The following HYCC1 variants were observed in gnomAD, a reference collection of about 807,000 sequenced individuals.
HYCC1 encodes the protein hyccin.
the HYCC1 span, among the ~76,000 whole-genome samples, chr7:22,968,246 C>T: frequency 6.6e-6 from 1 of 152,100 alleles, no homozygotes; most frequent in African/African-American, 2.4e-5. Flanking sequence ...GTGAAACTTC[C>T]GGGTCATACC....
chr7:22,950,845 G>A, the HYCC1 span, among the ~76,000 whole-genome samples: 15 of 150,378 alleles, frequency 1.0e-4, no homozygotes, highest in Admixed American at 3.3e-4. Flanking sequence ...GTTTTTCCCA[G>A]AACTTAACAA....
At chr7:22,940,234 C>CTGTTTTTTTTT in the HYCC1 span, 15 of 76,154 alleles carry the variant, frequency 2.0e-4, 2 homozygotes, top group Non-Finnish European at 2.6e-4. Flanking sequence ...TTAATAGGTT[C>CTGTTTTTTTTT]TGTTTTTTTT....
the HYCC1 span, among the ~76,000 whole-genome samples, chr7:22,927,867 G>C: frequency 5.9e-5 from 9 of 152,218 alleles, no homozygotes; most frequent in East Asian, 1.5e-3. Context: ...CCAAAGCCTG[G>C]TAGAGACACA....
At chr7:22,976,910 T>G in the HYCC1 span, 1 of 738,886 alleles carries the variant, frequency 1.4e-6, no homozygotes, top group Non-Finnish European at 2.4e-6. Context: ...ACGAACATCA[T>G]ATATCTTAAA....
chr7:23,013,260 G>T, the HYCC1 span, among the ~76,000 whole-genome samples: 1 of 152,292 alleles, frequency 6.6e-6, no homozygotes, highest in African/African-American at 2.4e-5. Context: ...AGAAAGAAGG[G>T]GCAAGGGCTC....
the HYCC1 span, among the ~76,000 whole-genome samples, chr7:22,957,273 C>T: frequency 2.8e-5 from 4 of 144,948 alleles, no homozygotes; most frequent in Admixed American, 2.8e-4. Context: ...GGCTTAATTA[C>T]GTATATTCTT....
the HYCC1 span, among the ~76,000 whole-genome samples, chr7:22,927,083 C>G: frequency 6.6e-6 from 1 of 152,186 alleles, no homozygotes; most frequent in Admixed American, 6.5e-5. Context: ...TGAATGACTA[C>G]TGGATACATA....
the HYCC1 span, among the ~76,000 whole-genome samples, chr7:22,987,104 T>C: frequency 6.6e-6 from 1 of 152,200 alleles, no homozygotes; most frequent in Non-Finnish European, 1.5e-5. Flanking sequence ...AGTCTGGAAA[T>C]CTGCTAGATA....
At chr7:22,953,647 T>C in the HYCC1 span, among the ~76,000 whole-genome samples, 2 of 151,932 alleles carry the variant, frequency 1.3e-5, no homozygotes, top group African/African-American at 4.8e-5. Flanking sequence ...TTGGTTAATA[T>C]GTCTTTTTTC....
chr7:22,947,870 A>G, the HYCC1 span, among the ~76,000 whole-genome samples: 3,061 of 152,224 alleles, frequency 0.02, 65 homozygotes, highest in East Asian at 0.11. Flanking sequence ...ATCATCTATT[A>G]TTAACAGTAA....
chr7:22,974,473 G>A, the HYCC1 span, among the ~76,000 whole-genome samples: 1 of 152,116 alleles, frequency 6.6e-6, no homozygotes, highest in Non-Finnish European at 1.5e-5. Flanking sequence ...ATCTTAGAAC[G>A]ACTTGGTGAG....
chr7:22,918,688 C>A, the HYCC1 span, among the ~76,000 whole-genome samples: 1 of 152,094 alleles, frequency 6.6e-6, no homozygotes, highest in African/African-American at 2.4e-5. Flanking sequence ...TTCTCCTGGA[C>A]AATAAGTCTC....
the HYCC1 span, chr7:22,961,267 C>T: frequency 1.9e-6 from 3 of 1,609,018 alleles, no homozygotes; most frequent in African/African-American, 2.7e-5. Flanking sequence ...TCTAGCTGGG[C>T]TCTGTATATA....
the HYCC1 span, among the ~76,000 whole-genome samples, chr7:23,010,271 A>G: frequency 9.2e-5 from 14 of 152,082 alleles, no homozygotes; most frequent in African/African-American, 3.1e-4. Flanking sequence ...ATTCACTTCT[A>G]TCTCCTCAGG....
At chr7:22,926,247 A>C in the HYCC1 span, among the ~76,000 whole-genome samples, 1 of 152,138 alleles carries the variant, frequency 6.6e-6, no homozygotes, top group African/African-American at 2.4e-5. Flanking sequence ...TGTAAAGACC[A>C]TCAAGGCTAG....
At chr7:22,944,802 C>G in the HYCC1 span, 3 of 152,382 alleles carry the variant, frequency 2.0e-5, no homozygotes, top group Admixed American at 2.0e-4. Flanking sequence ...CCTATTATAC[C>G]TTAATAATTG....
the HYCC1 span, among the ~76,000 whole-genome samples, chr7:22,901,077 C>T: frequency 6.6e-6 from 1 of 151,512 alleles, no homozygotes; most frequent in African/African-American, 2.4e-5. Context: ...AAAAGTTACC[C>T]AGGTGTGGTG....
chr7:22,917,518 C>T, the HYCC1 span, among the ~76,000 whole-genome samples: 1 of 152,182 alleles, frequency 6.6e-6, no homozygotes, highest in African/African-American at 2.4e-5. Context: ...TACTCACATG[C>T]CCCGAGTCAG....
chr7:22,928,728 G>A, the HYCC1 span, among the ~76,000 whole-genome samples: 11 of 152,096 alleles, frequency 7.2e-5, no homozygotes, highest in South Asian at 1.9e-3. Context: ...TCATGGGTAG[G>A]AAGAATCAGT....
Sources: allele counts gnomAD v4.1 joint callset (sites outside exome capture counted in the v4.1 genomes callset), GRCh38; gene constraint gnomAD v4.1.1; transcripts MANE v1.5; gene names NCBI Gene and HGNC (gene_info 2026-07-23, HGNC 2026-07-21).